Variants in RASGRF2 observed in about 807,000 individuals in gnomAD.
RASGRF2 encodes ras-specific guanine nucleotide-releasing factor 2.
In RASGRF2, 76 loss-of-function variants were observed where a neutral mutation model predicts 151.0. That is an observed-to-expected ratio of 0.50 (90% CI 0.42 to 0.61). RASGRF2 has a LOEUF of 0.61. Among genes scored for constraint, RASGRF2 ranks in the 20% least tolerant of loss-of-function variants. The pLI, the probability that RASGRF2 is intolerant of heterozygous loss-of-function variation, is 0.00. For missense variants in RASGRF2, 1,148 were observed against 1,564.6 expected (o/e 0.73, Z 4.49); for synonymous variants, 504 against 566.5 (o/e 0.89, Z 1.57).
At chr5:80,989,731 C>T (rs1261336993) in intron 1 of RASGRF2, among the ~76,000 whole-genome samples, 5 of 152,144 alleles carry the variant, frequency 3.3e-5, no homozygotes, top group African/African-American at 1.2e-4. Flanking sequence ...CATTTTGAAG[C>T]CTGGGCTTCA....
intron 17 of RASGRF2, among the ~76,000 whole-genome samples, chr5:81,142,153 A>G (rs1190576258): frequency 6.6e-6 from 1 of 152,210 alleles, no homozygotes; most frequent in African/African-American, 2.4e-5. Context: ...GAAGCTTAAT[A>G]TCATGTAGGT....
At chr5:81,039,893 C>T (rs1021991469) in intron 1 of RASGRF2, among the ~76,000 whole-genome samples, 2 of 152,058 alleles carry the variant, frequency 1.3e-5, no homozygotes, top group East Asian at 1.9e-4. Context: ...TTAATGCTTC[C>T]GGATTTCGAG....
chr5:81,130,949 G>T (rs976769214), intron 17 of RASGRF2, among the ~76,000 whole-genome samples: 1 of 152,076 alleles, frequency 6.6e-6, no homozygotes, highest in African/African-American at 2.4e-5. Context: ...CATGTTTCAG[G>T]TGCCTCTGCA....
intron 2 of RASGRF2, among the ~76,000 whole-genome samples, chr5:81,044,782 A>C (rs937405072): frequency 6.6e-6 from 1 of 152,174 alleles, no homozygotes; most frequent in Non-Finnish European, 1.5e-5. Context: ...CCTTTAGCTA[A>C]TGTTCAATAT....
chr5:81,098,331 GATA>G, intron 12 of RASGRF2, among the ~76,000 whole-genome samples: 1 of 152,278 alleles, frequency 6.6e-6, no homozygotes, highest in East Asian at 1.9e-4. Context: ...GAGTGGAGTT[GATA>G]AATAAGCAGT....
At chr5:81,161,385 C>T (rs1754380270) in intron 17 of RASGRF2, among the ~76,000 whole-genome samples, 1 of 152,192 alleles carries the variant, frequency 6.6e-6, no homozygotes. Flanking sequence ...CTCCTGACGG[C>T]TGGTGCAATG....
At chr5:81,205,092 G>A (rs1755475527) in intron 19 of RASGRF2, among the ~76,000 whole-genome samples, 2 of 152,206 alleles carry the variant, frequency 1.3e-5, no homozygotes, top group Admixed American at 6.5e-5. Context: ...TGGAGAAAGA[G>A]TTAGCTTTAA....
At chr5:81,012,879 A>G (rs58359785) in intron 1 of RASGRF2, among the ~76,000 whole-genome samples, 2,530 of 152,192 alleles carry the variant, frequency 0.017, 85 homozygotes, top group African/African-American at 0.058. Flanking sequence ...CTGGTCATCC[A>G]CTTTGGGTGG....
chr5:81,094,555 G>C (rs915673151), intron 11 of RASGRF2, among the ~76,000 whole-genome samples, 193 bp downstream of exon 11: 4 of 152,150 alleles, frequency 2.6e-5, no homozygotes, highest in African/African-American at 9.7e-5. Context: ...GGCAGATAGA[G>C]AAGAAGGAAG....
At chr5:81,118,392 C>T (rs1379150806) in intron 15 of RASGRF2, among the ~76,000 whole-genome samples, 1 of 152,212 alleles carries the variant, frequency 6.6e-6, no homozygotes, top group Non-Finnish European at 1.5e-5. Context: ...GCTAGTGTGG[C>T]TGAGGAGCAC....
At chr5:81,078,063 T>G (rs1401546291) in intron 5 of RASGRF2, among the ~76,000 whole-genome samples, 1 of 152,250 alleles carries the variant, frequency 6.6e-6, no homozygotes, top group Non-Finnish European at 1.5e-5. Context: ...AAAACTTTTT[T>G]ATTTTTAATT....
chr5:81,226,335 ATG>A lies in RASGRF2; in HGVS notation c.*566_*567del, dbSNP rs1755999912. 6.6e-6 allele frequency: 1 copy of A among 152,268 alleles called. No homozygotes were observed. The highest frequency in any genetic ancestry group is 1.5e-5 in the Non-Finnish European group (1 of 68,072). 9.4% of individuals were successfully genotyped at this position (152,268 alleles called of 1,614,324 possible). A position where few individuals can be genotyped will look rare whatever the true frequency, so the allele number is the denominator to read the frequency against. On this transcript the variant is annotated 3_prime_UTR_variant, in exon 27 of 27. Coordinates refer to ENST00000265080, the MANE Select transcript of RASGRF2 (RefSeq NM_006909.3). ...CATTCTAAATATTTCTATGTGAGGA[ATG>A]GTACCTTCTGAAACTGCCTTTCCAG...
Position 81,137,034 on chromosome 5 carries a change from C to A in RASGRF2, c.2686+9871C>A, listed in dbSNP as rs75160315. On this transcript the variant is annotated intron_variant, in intron 17 of 26. Transcript: ENST00000265080. ...TATTGTCTACTTTTTCCATTAGAAC[C>A]CTTAACATATTATAGATATTTACCT... Among the ~76,000 whole-genome samples the A allele has an allele frequency of 2.2e-3, 340 of 152,044 alleles. 2 individuals are homozygous for A. The highest frequency in any genetic ancestry group is 8.0e-3 in the African/African-American group (332 of 41,460).
At chr5:80,995,882 G>C (rs996886447) in intron 1 of RASGRF2, among the ~76,000 whole-genome samples, 6 of 151,726 alleles carry the variant, frequency 4.0e-5, no homozygotes, top group Non-Finnish European at 8.8e-5. Flanking sequence ...TACTAGAGAT[G>C]GTGTTTCATC....
rs370554615 is a variant in RASGRF2 at position 81,057,057 on chromosome 5, G to A, written c.396-10975G>A. Among the ~76,000 whole-genome samples, 20 of 152,252 alleles carry A rather than the reference G, an allele frequency of 1.3e-4. 1 individual carries two copies. The highest frequency in any genetic ancestry group is 1.5e-4 in the Non-Finnish European group (10 of 68,034). ...GAGATGGGTCTCCTGAATACCCGCA[G>A]CACACTGATGCGTGTTGACTCTATC... is the stretch of plus-strand genomic sequence containing the variant. On this transcript the variant is annotated intron_variant, in intron 2 of 26. Transcript: ENST00000265080.
intron 12 of RASGRF2, among the ~76,000 whole-genome samples, chr5:81,107,097 G>A (rs1022214745): frequency 2.0e-5 from 3 of 150,520 alleles, no homozygotes; most frequent in Non-Finnish European, 2.9e-5. Context: ...GCAGTGGCTC[G>A]CACCTGTAAT....
chr5:81,087,543 G>A lies in RASGRF2; in HGVS notation c.1390+590G>A, dbSNP rs1174711089. The A allele has an allele frequency of 1.0e-5, 6 of 585,494 alleles. No individual in the cohort carries two copies. The South Asian group carries it at 1.1e-4, about 11-fold the overall frequency. 36.3% of individuals were successfully genotyped at this position (585,494 alleles called of 1,614,324 possible). On this transcript the variant is annotated intron_variant, in intron 9 of 26. Transcript: ENST00000265080. ...GAAGTGTGCTTTGGGGGCATCACTC[G>A]ATAAATTAAGCTTTTGAAGAGTTGA...
At chr5:81,221,001 C>G (rs1482121875) in intron 26 of RASGRF2, among the ~76,000 whole-genome samples, 1 of 152,120 alleles carries the variant, frequency 6.6e-6, no homozygotes, top group Admixed American at 6.5e-5. Context: ...CTGTGGAAAT[C>G]TGTCAGATGT....
At chr5:81,074,210 C>A (rs538558089) in intron 5 of RASGRF2, among the ~76,000 whole-genome samples, 83 of 152,134 alleles carry the variant, frequency 5.5e-4, no homozygotes, top group Non-Finnish European at 4.4e-5. Flanking sequence ...TCAGAAAATG[C>A]CTGCCTTTAT....
Sources: allele counts gnomAD v4.1 joint callset (sites outside exome capture counted in the v4.1 genomes callset), GRCh38; gene constraint gnomAD v4.1.1; transcripts MANE v1.5; gene names NCBI Gene and HGNC (gene_info 2026-07-23, HGNC 2026-07-21).